Variants in AUTS2 observed in about 807,000 individuals in gnomAD.
AUTS2 encodes the protein autism susceptibility gene 2 protein.
In AUTS2, 17 loss-of-function variants were observed where a neutral mutation model predicts 112.4. The ratio of observed to expected loss-of-function variants is 0.15; its 90% confidence interval spans 0.10 to 0.23. AUTS2 has a LOEUF of 0.23. Among genes scored for constraint, AUTS2 ranks in the 10% least tolerant of loss-of-function variants. AUTS2 has a pLI of 1.00. For synonymous variants in AUTS2, 751 were observed against 702.7 expected, an observed-to-expected ratio of 1.07 and a Z score of -1.09; for missense variants, 1,510 against 1,701.6, an observed-to-expected ratio of 0.89 and a Z score of 1.98.
rs181263345 is a variant in AUTS2, at chr7:69,638,968, A to C, written c.309+39006A>C. Among the ~76,000 whole-genome samples, 14 of 152,362 alleles carry C rather than the reference A, an allele frequency of 9.2e-5. No individual in the cohort carries two copies. The East Asian group carries it at 2.7e-3, about 29-fold the overall frequency. On this transcript the variant is annotated intron_variant, in intron 1 of 18. Coordinates refer to ENST00000342771, the MANE Select transcript of AUTS2 (RefSeq NM_015570.4). ...GGAACTTTTCAATTTGCTAGTGCTG[A>C]ATAATGTCTGCAGTAAAAGTTGGTT...
At chr7:70,685,939 G>A (rs971911559) in intron 5 of AUTS2, among the ~76,000 whole-genome samples, 1 of 152,120 alleles carries the variant, frequency 6.6e-6, no homozygotes, top group South Asian at 2.1e-4. Flanking sequence ...ATGCCCGGGA[G>A]CCCATGGCTA....
intron 1 of AUTS2, among the ~76,000 whole-genome samples, chr7:69,859,012 T>A (rs968349400): frequency 1.3e-5 from 2 of 152,214 alleles, no homozygotes; most frequent in African/African-American, 4.8e-5. Flanking sequence ...TTAAACATTA[T>A]AGAGAAGGGT....
chr7:70,039,900 A>G (rs924465298), intron 2 of AUTS2, among the ~76,000 whole-genome samples: 2 of 152,218 alleles, frequency 1.3e-5, no homozygotes, highest in African/African-American at 4.8e-5. Flanking sequence ...GTACAGAGAA[A>G]CATACATTCA....
At chr7:70,681,526 T>TATA (rs200932707) in intron 5 of AUTS2, among the ~76,000 whole-genome samples, 1 of 76,906 alleles carries the variant, frequency 1.3e-5, no homozygotes, top group South Asian at 6.5e-4. Context: ...TATATATATA[T>TATA]TTTTTTTTTC....
chr7:69,915,148 C>T (rs1354231038), intron 2 of AUTS2, among the ~76,000 whole-genome samples: 1 of 152,164 alleles, frequency 6.6e-6, no homozygotes, highest in Admixed American at 6.5e-5. Flanking sequence ...AAATGCAGTT[C>T]AAAGGGAGAC....
chr7:70,711,812 G>A (rs568041962), intron 6 of AUTS2, among the ~76,000 whole-genome samples: 4 of 152,302 alleles, frequency 2.6e-5, no homozygotes, highest in South Asian at 4.2e-4. Flanking sequence ...AGTAGGTGGG[G>A]CCAGACTTCG....
At chr7:70,016,584 A>G (rs1177376176) in intron 2 of AUTS2, among the ~76,000 whole-genome samples, 1 of 152,030 alleles carries the variant, frequency 6.6e-6, no homozygotes, top group Non-Finnish European at 1.5e-5. Context: ...ACTTGCTCTT[A>G]TCACACAGTT....
At chr7:69,671,643 A>G (rs2129156194) in intron 1 of AUTS2, among the ~76,000 whole-genome samples, 1 of 152,146 alleles carries the variant, frequency 6.6e-6, no homozygotes, top group South Asian at 2.1e-4. Flanking sequence ...TTTTTTGGTA[A>G]TGATGACTGA....
intron 4 of AUTS2, among the ~76,000 whole-genome samples, chr7:70,402,757 C>T (rs757734720): frequency 7.2e-5 from 11 of 152,136 alleles, no homozygotes; most frequent in Non-Finnish European, 1.3e-4. Context: ...GGCAGAAAAT[C>T]ATATTTACCT....
intron 4 of AUTS2, among the ~76,000 whole-genome samples, chr7:70,367,194 C>T (rs1218019521): frequency 1.3e-5 from 2 of 152,012 alleles, no homozygotes; most frequent in Admixed American, 6.6e-5. Context: ...CACCAGGTGG[C>T]GCAGGTTGCA....
chr7:69,726,796 T>G (rs531123086), intron 1 of AUTS2, among the ~76,000 whole-genome samples: 1 of 152,288 alleles, frequency 6.6e-6, no homozygotes, highest in African/African-American at 2.4e-5. Flanking sequence ...CTCTGATGAT[T>G]TATGATGTTG....
At chr7:70,309,262 C>T (rs903874467) in intron 4 of AUTS2, among the ~76,000 whole-genome samples, 10 of 152,196 alleles carry the variant, frequency 6.6e-5, no homozygotes, top group African/African-American at 2.4e-4. Flanking sequence ...CTTTCTCAGA[C>T]TTCTAGGCCA....
chr7:70,391,188 T>C (rs1793838347), intron 4 of AUTS2, among the ~76,000 whole-genome samples: 1 of 152,190 alleles, frequency 6.6e-6, no homozygotes, highest in African/African-American at 2.4e-5. Flanking sequence ...CAGCCAAGGC[T>C]GAGAAGCAAG....
chr7:70,247,008 G>A (rs1452903312), intron 4 of AUTS2, among the ~76,000 whole-genome samples: 2 of 151,618 alleles, frequency 1.3e-5, no homozygotes, highest in South Asian at 2.1e-4. Context: ...AGCAGTTCTC[G>A]TTCTTCGTAT....
At chr7:69,792,197 T>G (rs1458342059) in intron 1 of AUTS2, among the ~76,000 whole-genome samples, 1 of 152,106 alleles carries the variant, frequency 6.6e-6, no homozygotes, top group Non-Finnish European at 1.5e-5. Flanking sequence ...CAGTGATTCT[T>G]GATTATCTAC....
intron 4 of AUTS2, among the ~76,000 whole-genome samples, chr7:70,400,385 A>G (rs1446659595): frequency 6.6e-6 from 1 of 152,150 alleles, no homozygotes; most frequent in Admixed American, 6.6e-5. Context: ...GTTCTACCCA[A>G]CCATATGATC....
intron 4 of AUTS2, among the ~76,000 whole-genome samples, chr7:70,365,245 C>A (rs1792514135): frequency 6.6e-6 from 1 of 152,126 alleles, no homozygotes; most frequent in Non-Finnish European, 1.5e-5. Flanking sequence ...CATCACCAAC[C>A]CGGATACAAA....
intron 2 of AUTS2, among the ~76,000 whole-genome samples, chr7:70,103,323 C>T (rs990376777): frequency 6.6e-6 from 1 of 152,196 alleles, no homozygotes. Flanking sequence ...TGAGCCTCCA[C>T]TTACTTAACT....
At chr7:69,712,402 C>T (rs1054214295) in intron 1 of AUTS2, among the ~76,000 whole-genome samples, 3 of 147,534 alleles carry the variant, frequency 2.0e-5, no homozygotes, top group Non-Finnish European at 4.5e-5. Flanking sequence ...TGTCTTGAGA[C>T]AACCATTGAC....
Sources: allele counts gnomAD v4.1 joint callset (sites outside exome capture counted in the v4.1 genomes callset), GRCh38; gene constraint gnomAD v4.1.1; transcripts MANE v1.5; gene names NCBI Gene and HGNC (gene_info 2026-07-23, HGNC 2026-07-21).